Variants in CDS2 observed in about 807,000 individuals in gnomAD.
CDS2 encodes the protein CDP-diacylglycerol synthase 2, also known as phosphatidate cytidylyltransferase 2.
CDS2 carries 47 observed loss-of-function variants against 59.0 expected under a neutral mutation model. The observed-to-expected ratio is 0.80, with a 90% confidence interval of 0.63 to 1.02. CDS2 has a LOEUF of 1.02. Ranked by LOEUF, CDS2 falls within the 50% of genes least tolerant of loss-of-function variation. The pLI is 0.00. For synonymous variants in CDS2, 207 were observed against 206.4 expected (o/e 1.00, Z -0.02); for missense variants, 356 against 558.9 (o/e 0.64, Z 3.66).
At chr20:5,151,935 T>A (rs898763601) in intron 1 of CDS2, among the ~76,000 whole-genome samples, 8 of 151,476 alleles carry the variant, frequency 5.3e-5, no homozygotes, top group Non-Finnish European at 1.2e-4. Flanking sequence ...CCGCTAATTT[T>A]GTATTTTTAA....
intron 1 of CDS2, among the ~76,000 whole-genome samples, chr20:5,170,840 G>A (rs1242443374): frequency 6.6e-6 from 1 of 152,204 alleles, no homozygotes; most frequent in African/African-American, 2.4e-5. Context: ...AGAAAAGAGA[G>A]AAGAATCAAA....
chr20:5,163,610 G>A (rs1022957844), intron 1 of CDS2, among the ~76,000 whole-genome samples: 3 of 152,082 alleles, frequency 2.0e-5, no homozygotes, highest in Non-Finnish European at 4.4e-5. Context: ...TCATATACTT[G>A]TGTTTAAATC....
chr20:5,168,650 C>G (rs753422999), intron 1 of CDS2: 1 of 518,488 alleles, frequency 1.9e-6, no homozygotes, highest in South Asian at 1.4e-5. Flanking sequence ...AAGGGAGCCT[C>G]AGAAGGATGC....
chr20:5,187,580 C>T, intron 10 of CDS2: 1 of 152,096 alleles, frequency 6.6e-6, no homozygotes, highest in Admixed American at 6.6e-5. Context: ...GAGCCTATCA[C>T]TTTAAAGAAA....
Position 5,184,763 on chromosome 20 carries a change from A to C in CDS2, c.672-95A>C, listed in dbSNP as rs2091055201. 1.0e-6 allele frequency: 1 copy of C among 959,974 alleles called. No individual in the cohort carries two copies. The highest frequency in any genetic ancestry group is 2.4e-5 in the East Asian group (1 of 41,678). 59.5% of individuals were successfully genotyped at this position (959,974 alleles called of 1,614,324 possible). A position where few individuals can be genotyped will look rare whatever the true frequency, so the allele number is the denominator to read the frequency against. On this transcript the variant is annotated intron_variant, in intron 7 of 12. Transcript: ENST00000460006. This position sits in a 1 kb window ranked among gnomAD's most constrained non-coding sequence, Gnocchi z 4.3. ...ATGGGTTACCAGAATTTTATGGGTG[A>C]TTTTGGTGCTGGAATTTAAGAATGG...
intron 1 of CDS2, among the ~76,000 whole-genome samples, chr20:5,130,505 G>A (rs189700037): frequency 6.8e-4 from 103 of 151,634 alleles, no homozygotes; most frequent in African/African-American, 2.3e-3. Flanking sequence ...GGCTGGGCGC[G>A]GTGGCTCACG....
intron 1 of CDS2, among the ~76,000 whole-genome samples, chr20:5,165,949 A>T (rs1384910623): frequency 6.6e-6 from 1 of 152,206 alleles, no homozygotes; most frequent in African/African-American, 2.4e-5. Context: ...ATAAGGCTGG[A>T]TGAGTAGATA....
At chr20:5,143,983 T>C (rs187469011) in intron 1 of CDS2, among the ~76,000 whole-genome samples, 8 of 152,260 alleles carry the variant, frequency 5.3e-5, no homozygotes, top group African/African-American at 1.9e-4. Flanking sequence ...CAGGCTGGTC[T>C]TGAACTGCTG....
intron 1 of CDS2, among the ~76,000 whole-genome samples, chr20:5,137,255 T>TC (rs2090656355): frequency 6.6e-6 from 1 of 151,488 alleles, no homozygotes; most frequent in Non-Finnish European, 1.5e-5. Context: ...ACCCTTTTTT[T>TC]TTTTTTGAGA....
chr20:5,127,146 CA>C lies in CDS2; in HGVS notation c.56del (p.Lys19ArgfsTer9). Reference sequence around the variant, plus strand: ...ATGAGCCGGTTGCGCCACCCGAGGACAAGGTAGCGGCAGCGTCGGGGTGGGC... The same window carrying C: ...ATGAGCCGGTTGCGCCACCCGAGGACAGGTAGCGGCAGCGTCGGGGTGGGC... ...AHEPVAPPEDKESESEAKVDG... is the reference protein window; with the variant it reads ...AHEPVAPPEDXESESEAKVDG... On this transcript the variant is annotated frameshift_variant and splice_region_variant, in exon 1 of 13. Coordinates refer to ENST00000460006, the MANE Select transcript of CDS2 (RefSeq NM_003818.4). LOFTEE classifies it high-confidence loss of function. 1 of 1,492,394 alleles carries C rather than the reference CA, an allele frequency of 6.7e-7. No homozygotes were observed. The allele number at this position is 1,492,394 out of a possible 1,614,324, so 92.4% of individuals were successfully genotyped here.
At chr20:5,172,538 A>G (rs1208201569) in intron 1 of CDS2, among the ~76,000 whole-genome samples, 1 of 152,200 alleles carries the variant, frequency 6.6e-6, no homozygotes, top group African/African-American at 2.4e-5. Context: ...TCATCAGGGA[A>G]GTCAGAGGAC....
At chr20:5,132,555 T>C (rs2090616064) in intron 1 of CDS2, among the ~76,000 whole-genome samples, 1 of 152,186 alleles carries the variant, frequency 6.6e-6, no homozygotes, top group Non-Finnish European at 1.5e-5. Context: ...AATAAAATAT[T>C]AAAGAACTAT....
At chr20:5,141,417 C>T (rs2090692500) in intron 1 of CDS2, among the ~76,000 whole-genome samples, 1 of 152,168 alleles carries the variant, frequency 6.6e-6, no homozygotes, top group Non-Finnish European at 1.5e-5. Flanking sequence ...AGTAGCTGAA[C>T]ATGTGGAGGC....
rs945437354 is a variant in CDS2, at chr20:5,193,120, T to G, written c.*2886T>G. On this transcript the variant is annotated 3_prime_UTR_variant, in exon 13 of 13. Coordinates refer to ENST00000460006, the MANE Select transcript of CDS2 (RefSeq NM_003818.4). ...TGGGCACCCCCCAGCCCCTGGGAGC[T>G]CTGCTCATGACCGCTCACAGGGTAC... 2.1e-4 allele frequency: 32 copies of G among 152,232 alleles called. No homozygotes were observed. The highest frequency in any genetic ancestry group is 7.0e-4 in the African/African-American group (29 of 41,460). 9.4% of individuals were successfully genotyped at this position (152,232 alleles called of 1,614,324 possible). A position where few individuals can be genotyped will look rare whatever the true frequency, so the allele number is the denominator to read the frequency against.
chr20:5,149,958 A>G (rs562196529), intron 1 of CDS2, among the ~76,000 whole-genome samples: 2 of 146,292 alleles, frequency 1.4e-5, no homozygotes, highest in Non-Finnish European at 3.0e-5. Context: ...TAGTTGATCC[A>G]CCCACTTCGG....
intron 1 of CDS2, among the ~76,000 whole-genome samples, chr20:5,168,417 C>CCA (rs1568538229): frequency 8.4e-5 from 6 of 71,526 alleles, no homozygotes; most frequent in African/African-American, 3.0e-4. Flanking sequence ...TCTGTCCCCC[C>CCA]AAAAAAAAAA....
At position 5,184,026 on chromosome 20, in the gene CDS2, G is replaced by A. The variant is rs1470129053; in HGVS notation, c.672-832G>A. On this transcript the variant is annotated intron_variant, in intron 7 of 12. Transcript: ENST00000460006. This position sits in a 1 kb window ranked among gnomAD's most constrained non-coding sequence, Gnocchi z 4.3. ...ACAAAAAAATAGCTGGTGTGGTGGCGTGGCAGGTGCCTGTAATCCTAGCTA... is the reference window on the plus strand; with the variant it reads ...ACAAAAAAATAGCTGGTGTGGTGGCATGGCAGGTGCCTGTAATCCTAGCTA... Among the ~76,000 whole-genome samples, 1 of 152,136 alleles carries A rather than the reference G, an allele frequency of 6.6e-6. No homozygotes were observed.
intron 1 of CDS2, among the ~76,000 whole-genome samples, chr20:5,129,980 G>GTT (rs899335431): frequency 1.3e-5 from 2 of 149,076 alleles, no homozygotes; most frequent in Non-Finnish European, 3.0e-5. Context: ...TTGTTTTTTT[G>GTT]TTTTTTTTTG....
chr20:5,132,986 G>C (rs2090619630), intron 1 of CDS2, among the ~76,000 whole-genome samples: 1 of 150,048 alleles, frequency 6.7e-6, no homozygotes, highest in African/African-American at 2.5e-5. Context: ...TCCTGGCTAA[G>C]ACGGCAAAAC....
Sources: allele counts gnomAD v4.1 joint callset (sites outside exome capture counted in the v4.1 genomes callset), GRCh38; gene constraint gnomAD v4.1.1; non-coding constraint Gnocchi (gnomAD v3.1); transcripts MANE v1.5; gene names NCBI Gene and HGNC (gene_info 2026-07-23, HGNC 2026-07-21).